SLC25A30: variants seen among roughly 807,000 people sequenced by gnomAD.
SLC25A30 encodes kidney mitochondrial carrier protein 1.
A neutral mutation model predicts 42.7 loss-of-function variants in SLC25A30; 29 were observed. That is an observed-to-expected ratio of 0.68 (90% CI 0.51 to 0.93). SLC25A30 has a LOEUF of 0.93. Among genes scored for constraint, SLC25A30 ranks in the 40% least tolerant of loss-of-function variants. The pLI, the probability that SLC25A30 is intolerant of heterozygous loss-of-function variation, is 0.00. For missense variants in SLC25A30, 300 were observed against 359.7 expected (o/e 0.83, Z 1.34); for synonymous variants, 124 against 131.0 (o/e 0.95, Z 0.37).
Position 45,404,308 on chromosome 13 carries a change from T to G in SLC25A30, c.393+19A>C, listed in dbSNP as rs1416343369. On this transcript the variant is annotated intron_variant, in intron 5 of 9. Transcript: ENST00000519676. Reference sequence around the variant, plus strand: ...GAAAATGTGGAATGTGCCTATAAGATATAGATAGCACAGCTTACTTTCAAA... The same window carrying G: ...GAAAATGTGGAATGTGCCTATAAGAGATAGATAGCACAGCTTACTTTCAAA... 3 of 1,561,096 alleles carry G rather than the reference T, an allele frequency of 1.9e-6. No homozygotes were observed. The highest frequency in any genetic ancestry group is 1.4e-5 in the African/African-American group (1 of 73,802).
At chr13:45,426,884 G>T in the SLC25A30 span, among the ~76,000 whole-genome samples, 4 of 151,988 alleles carry the variant, frequency 2.6e-5, no homozygotes, top group African/African-American at 4.8e-5. Context: ...ATTAAACTTC[G>T]CATGAATAGC....
At chr13:45,397,818 G>T in intron 8 of SLC25A30, 2 of 871,186 alleles carry the variant, frequency 2.3e-6, no homozygotes, top group Non-Finnish European at 2.8e-6. Flanking sequence ...GAAGACTAAG[G>T]CTCCATGCCC....
chr13:45,429,728 A>G, the SLC25A30 span, among the ~76,000 whole-genome samples: 1 of 151,858 alleles, frequency 6.6e-6, no homozygotes, highest in East Asian at 1.9e-4. Flanking sequence ...CCAGCTACTC[A>G]GGAGGCTGAG....
chr13:45,401,918 G>A (rs1342871307), intron 6 of SLC25A30, among the ~76,000 whole-genome samples: 3 of 151,936 alleles, frequency 2.0e-5, no homozygotes, highest in Non-Finnish European at 4.4e-5. Flanking sequence ...AAATTAGCGG[G>A]GTGTGGTGGC....
intron 7 of SLC25A30, among the ~76,000 whole-genome samples, 189 bp from the exon 8 acceptor site, chr13:45,399,267 G>A (rs944670244): frequency 6.6e-6 from 1 of 152,156 alleles, no homozygotes; most frequent in African/African-American, 2.4e-5. Context: ...GTGCAATGGT[G>A]TGACCTTGGC....
upstream of SLC25A30, among the ~76,000 whole-genome samples, chr13:45,419,581 AG>A (rs2137714274): frequency 6.6e-6 from 1 of 150,780 alleles, no homozygotes; most frequent in African/African-American, 2.4e-5. Context: ...GGCCTCCCAA[AG>A]TGCTGCCATT....
intron 1 of SLC25A30, among the ~76,000 whole-genome samples, chr13:45,415,294 C>T (rs1320581020): frequency 6.6e-6 from 1 of 152,102 alleles, no homozygotes; most frequent in African/African-American, 2.4e-5. Context: ...ACTAAGGTTT[C>T]TCTGAAGGAT....
chr13:45,418,238 C>T (rs1184821393), intron 1 of SLC25A30, 62 bp downstream of exon 1: 1 of 152,598 alleles, frequency 6.6e-6, no homozygotes, highest in Non-Finnish European at 1.5e-5. Flanking sequence ...TACCCCAGGC[C>T]CGGGTTCCAG....
chr13:45,413,718 C>G lies in SLC25A30; in HGVS notation c.-55-2238G>C, dbSNP rs115071562. Among the ~76,000 whole-genome samples the G allele has an allele frequency of 5.6e-3, 859 of 152,288 alleles. 10 individuals are homozygous for G. The highest frequency in any genetic ancestry group is 0.019 in the African/African-American group (798 of 41,560). The stretch of plus-strand genomic sequence containing the variant: ...CACAGGCATGGGCCACCATACCCAG[C>G]TAATTTTGTATTTTAATAGAGACAG... On this transcript the variant is annotated intron_variant, in intron 1 of 9. Transcript: ENST00000519676.
the SLC25A30 span, among the ~76,000 whole-genome samples, chr13:45,428,388 T>C: frequency 6.6e-6 from 1 of 151,262 alleles, no homozygotes; most frequent in Non-Finnish European, 1.5e-5. Context: ...TTTGTATTTT[T>C]AGTAGAGACG....
At chr13:45,414,247 G>A (rs1045706988) in intron 1 of SLC25A30, among the ~76,000 whole-genome samples, 1 of 152,160 alleles carries the variant, frequency 6.6e-6, no homozygotes, top group Non-Finnish European at 1.5e-5. Context: ...AACTTATCAA[G>A]TTAATGTTTG....
chr13:45,398,085 G>T, intron 8 of SLC25A30: 1 of 984,770 alleles, frequency 1.0e-6, no homozygotes, highest in Non-Finnish European at 1.2e-6. Context: ...AAATGTGCTA[G>T]TGTCATGTTG....
upstream of SLC25A30, among the ~76,000 whole-genome samples, chr13:45,423,079 C>T (rs562867633): frequency 3.3e-5 from 5 of 152,128 alleles, no homozygotes; most frequent in Non-Finnish European, 7.4e-5. Flanking sequence ...GGGACCCAGT[C>T]TTGCTCACTA....
the SLC25A30 span, among the ~76,000 whole-genome samples, chr13:45,425,153 TTG>T: frequency 2.1e-5 from 2 of 93,630 alleles, no homozygotes; most frequent in African/African-American, 8.7e-5. Flanking sequence ...TATAAATATA[TTG>T]ATAAATATAT....
intron 9 of SLC25A30, 173 bp downstream of exon 9, chr13:45,397,085 C>A: frequency 1.7e-6 from 1 of 597,538 alleles, no homozygotes; most frequent in Non-Finnish European, 2.9e-6. Flanking sequence ...CAGTGTCTAG[C>A]ACGGAGACTT....
intron 5 of SLC25A30, chr13:45,402,683 C>T: frequency 1.3e-6 from 1 of 771,010 alleles, no homozygotes; most frequent in South Asian, 5.9e-5. Context: ...AAACAGCATA[C>T]TTCCCTACTA....
chr13:45,416,050 C>T (rs939947306), intron 1 of SLC25A30, among the ~76,000 whole-genome samples: 6 of 151,334 alleles, frequency 4.0e-5, no homozygotes, highest in African/African-American at 7.3e-5. Context: ...TGCCTGCCTC[C>T]GACTCCCAAA....
At chr13:45,428,851 G>GGA in the SLC25A30 span, among the ~76,000 whole-genome samples, 70,998 of 150,424 alleles carry the variant, frequency 0.47, 17,236 homozygotes, top group Non-Finnish European at 0.54. Context: ...TAATTTGGGT[G>GGA]GAGAGAGAGA....
chr13:45,403,936 CA>C (rs34588071), intron 5 of SLC25A30, among the ~76,000 whole-genome samples: 23,340 of 80,624 alleles, frequency 0.29, 2,140 homozygotes, highest in African/African-American at 0.44. Flanking sequence ...GACTCCATCT[CA>C]AAAAAAAAAA....
Sources: gnomAD v4.1 joint callset for allele counts (sites outside exome capture counted in the v4.1 genomes callset) on GRCh38, gnomAD v4.1.1 for gene constraint, MANE v1.5 for transcripts, NCBI Gene and HGNC (gene_info 2026-07-23, HGNC 2026-07-21) for gene names.